Variants in CLDN16 observed in about 807,000 individuals in gnomAD.
CLDN16 encodes the protein claudin 16.
CLDN16 carries 13 observed loss-of-function variants against 24.6 expected under a neutral mutation model. The ratio of observed to expected loss-of-function variants is 0.53; its 90% CI spans 0.34 to 0.84. The LOEUF (loss-of-function observed/expected upper bound fraction) is 0.84. Among genes scored for constraint, CLDN16 ranks in the 40% least tolerant of loss-of-function variants. The pLI is 0.01. For synonymous variants in CLDN16, 116 were observed against 106.7 expected (o/e 1.09, Z -0.54); for missense variants, 298 against 292.7 (o/e 1.02, Z -0.13).
At chr3:190,328,594 G>A (rs1717119327) in intron 1 of CLDN16, among the ~76,000 whole-genome samples, 1 of 151,986 alleles carries the variant, frequency 6.6e-6, no homozygotes, top group East Asian at 1.9e-4. Flanking sequence ...ATAGAGTGTG[G>A]TAGGCTGGCT....
At chr3:190,326,445 A>AT (rs1245340302) in intron 1 of CLDN16, among the ~76,000 whole-genome samples, 5 of 152,182 alleles carry the variant, frequency 3.3e-5, no homozygotes, top group Non-Finnish European at 5.9e-5. Context: ...TGGCAGGGGT[A>AT]TGAGCTTTCA....
intron 1 of CLDN16, among the ~76,000 whole-genome samples, chr3:190,327,102 T>C (rs1180132645): frequency 4.6e-5 from 7 of 152,092 alleles, no homozygotes; most frequent in Non-Finnish European, 1.0e-4. Context: ...TTATAAGAAA[T>C]TGGCTCATTC....
intron 1 of CLDN16, among the ~76,000 whole-genome samples, chr3:190,324,564 C>T (rs1265985957): frequency 1.3e-5 from 2 of 152,198 alleles, no homozygotes; most frequent in Non-Finnish European, 2.9e-5. Context: ...GGCCCTTTTA[C>T]TCTGCATTAC....
At chr3:190,343,650 C>G (rs1717486101) in intron 1 of CLDN16, among the ~76,000 whole-genome samples, 1 of 151,924 alleles carries the variant, frequency 6.6e-6, no homozygotes, top group South Asian at 2.1e-4. Flanking sequence ...TGCCATTTGC[C>G]ACGACATATA....
chr3:190,310,560 G>A, the CLDN16 span, among the ~76,000 whole-genome samples: 5 of 152,114 alleles, frequency 3.3e-5, no homozygotes, highest in East Asian at 9.6e-4. Flanking sequence ...TAAATATGCT[G>A]TTATACATTA....
intron 1 of CLDN16, among the ~76,000 whole-genome samples, chr3:190,354,199 A>G (rs997402882): frequency 3.3e-5 from 5 of 151,894 alleles, no homozygotes; most frequent in African/African-American, 9.7e-5. Flanking sequence ...TTGCAGAGGC[A>G]TTTTTTGGAG....
chr3:190,388,567 A>G (rs930510119), intron 1 of CLDN16, 124 bp downstream of exon 1: 4 of 814,470 alleles, frequency 4.9e-6, no homozygotes, highest in African/African-American at 1.7e-5. Context: ...GGCAACATGG[A>G]CTATTTATTG....
chr3:190,316,952 T>C, the CLDN16 span, among the ~76,000 whole-genome samples: 2 of 152,340 alleles, frequency 1.3e-5, no homozygotes, highest in Non-Finnish European at 1.5e-5. Flanking sequence ...ATACAAATTG[T>C]ACTTTTTGCT....
At chr3:190,380,240 C>CCCTCCCTCCCTTCCTT (rs1417978876) in intron 3 of CLDN16, among the ~76,000 whole-genome samples, 17 of 47,870 alleles carry the variant, frequency 3.6e-4, no homozygotes, top group East Asian at 2.1e-3. Context: ...TTCCTTCCCT[C>CCCTCCCTCCCTTCCTT]CCTTCCTTCC....
chr3:190,349,001 C>A (rs932870095), intron 1 of CLDN16, among the ~76,000 whole-genome samples: 11 of 152,170 alleles, frequency 7.2e-5, no homozygotes, highest in Non-Finnish European at 1.6e-4. Context: ...TAATCTCATT[C>A]TTTTTCATGG....
chr3:190,400,944 G>A (rs1577428574), intron 1 of CLDN16, among the ~76,000 whole-genome samples: 1 of 151,972 alleles, frequency 6.6e-6, no homozygotes, highest in African/African-American at 2.4e-5. Flanking sequence ...GCTTTCTTGG[G>A]GTTACTTAAC....
intron 3 of CLDN16, among the ~76,000 whole-genome samples, chr3:190,380,847 C>T (rs1391849939): frequency 6.6e-6 from 1 of 151,844 alleles, no homozygotes; most frequent in African/African-American, 2.4e-5. Flanking sequence ...TCTGGACAAT[C>T]AAAGCCTGAA....
intron 1 of CLDN16, among the ~76,000 whole-genome samples, chr3:190,362,655 C>T (rs994217719): frequency 2.0e-5 from 3 of 151,916 alleles, no homozygotes; most frequent in African/African-American, 7.2e-5. Flanking sequence ...TACATTAGTT[C>T]GCCTTCATTT....
chr3:190,363,581 T>TATAC, intron 1 of CLDN16, among the ~76,000 whole-genome samples: 1 of 137,062 alleles, frequency 7.3e-6, no homozygotes, highest in South Asian at 2.3e-4. Context: ...TATATATATA[T>TATAC]ATATATATAT....
rs368470692 is a variant in CLDN16 at position 190,408,155 on chromosome 3, A to G, written c.383-159A>G. Among the ~76,000 whole-genome samples, 16 of 152,372 alleles carry G rather than the reference A, an allele frequency of 1.1e-4. 1 individual carries two copies. The highest frequency in any genetic ancestry group is 9.1e-4 in the Admixed American group (14 of 15,306). On this transcript the variant is annotated intron_variant, in intron 3 of 4. Transcript: ENST00000264734. ...ATACAAGATGGAAGGCAAAAGGAAG[A>G]GACAGAAGAAGTGTCCGAAGTTCGG... is the stretch of plus-strand genomic sequence containing the variant.
the CLDN16 span, among the ~76,000 whole-genome samples, chr3:190,291,103 G>A: frequency 2.0e-5 from 3 of 152,248 alleles, no homozygotes; most frequent in South Asian, 6.2e-4. Context: ...GATATCTAGA[G>A]AAAAACAATC....
At chr3:190,330,606 G>A (rs367796807) in intron 1 of CLDN16, among the ~76,000 whole-genome samples, 4 of 152,174 alleles carry the variant, frequency 2.6e-5, no homozygotes, top group South Asian at 2.1e-4. Flanking sequence ...AAAAGAGCCC[G>A]GCACATGTTA....
At chr3:190,397,208 A>G (rs533186856) in intron 1 of CLDN16, among the ~76,000 whole-genome samples, 2 of 152,310 alleles carry the variant, frequency 1.3e-5, no homozygotes, top group South Asian at 4.1e-4. Flanking sequence ...ACCTTAAATA[A>G]ACCTACCTCT....
At chr3:190,370,249 G>C (rs567821398) in intron 1 of CLDN16, among the ~76,000 whole-genome samples, 7 of 152,016 alleles carry the variant, frequency 4.6e-5, no homozygotes, top group African/African-American at 1.7e-4. Flanking sequence ...TTAGGTGTAG[G>C]TTTTGCTTCT....
Sources: allele counts gnomAD v4.1 joint callset (sites outside exome capture counted in the v4.1 genomes callset), GRCh38; gene constraint gnomAD v4.1.1; transcripts MANE v1.5; gene names NCBI Gene and HGNC (gene_info 2026-07-23, HGNC 2026-07-21).